The following ALPK1 variants were observed in gnomAD, a reference collection of about 807,000 sequenced individuals.
The protein encoded by ALPK1 is alpha kinase 1.
In ALPK1, 110 loss-of-function variants were observed where a neutral mutation model predicts 120.6. The ratio of observed to expected loss-of-function variants is 0.91; its 90% CI spans 0.78 to 1.07. The LOEUF (loss-of-function observed/expected upper bound fraction) is 1.07, where lower values mean the gene tolerates loss of function less well. Ranked by LOEUF, ALPK1 falls within the 50% of genes least tolerant of loss-of-function variation. The pLI, the probability that ALPK1 is intolerant of heterozygous loss-of-function variation, is 0.00. For missense variants in ALPK1, 1,498 were observed against 1,483.9 expected, an observed-to-expected ratio of 1.01 and a Z score of -0.16; for synonymous variants, 582 against 560.3, an observed-to-expected ratio of 1.04 and a Z score of -0.55.
At chr4:112,433,869 C>T (rs948454987) in intron 11 of ALPK1, among the ~76,000 whole-genome samples, 2 of 152,090 alleles carry the variant, frequency 1.3e-5, no homozygotes, top group African/African-American at 4.8e-5. Context: ...AATGCCTCAC[C>T]CCAGAGATTT....
At chr4:112,399,054 C>T (rs1374217982) in intron 4 of ALPK1, among the ~76,000 whole-genome samples, 4 of 152,048 alleles carry the variant, frequency 2.6e-5, no homozygotes, top group East Asian at 1.9e-4. Context: ...TGGGCTATGG[C>T]GGGCAATTCC....
intron 4 of ALPK1, among the ~76,000 whole-genome samples, chr4:112,409,795 G>A (rs941197117): frequency 1.4e-4 from 21 of 152,216 alleles, no homozygotes; most frequent in African/African-American, 4.8e-4. Flanking sequence ...AGGACGCTAC[G>A]GTCATTGAGC....
chr4:112,385,087 T>C (rs1349595332), intron 4 of ALPK1, among the ~76,000 whole-genome samples: 3 of 152,142 alleles, frequency 2.0e-5, no homozygotes, highest in African/African-American at 7.2e-5. Context: ...ATGTGGCACA[T>C]CACTATAACT....
intron 5 of ALPK1, among the ~76,000 whole-genome samples, chr4:112,418,438 C>A (rs951154343): frequency 2.0e-5 from 3 of 152,334 alleles, no homozygotes; most frequent in South Asian, 4.1e-4. Flanking sequence ...TGACCCTCTG[C>A]ACAATGAGGA....
At position 112,432,574 on chromosome 4, in the gene ALPK1, A is replaced by T. The variant is rs777128557; in HGVS notation, c.3027A>T (p.Arg1009=). 8 of 1,611,412 alleles carry T rather than the reference A, an allele frequency of 5.0e-6. No homozygotes were observed. Among genetic ancestry groups the T allele is most frequent in the Non-Finnish European group, 5.9e-6 (7 of 1,179,642 alleles). The change falls in exon 11 of 16, where the codon CGA becomes CGT. Residue 1009 remains arginine (R), a synonymous_variant. Coordinates refer to ENST00000650871, the MANE Select transcript of ALPK1 (RefSeq NM_025144.4). The part of the protein sequence containing the change: ...TGVFKPSQLH[R]AHSALLLKYS... The stretch of plus-strand genomic sequence containing the variant: ...TTTTTAAGCCCAGTCAACTCCACCG[A>T]GCACATAGTAAGTACAATCTTTTCA...
At chr4:112,416,202 G>T (rs1001907558) in intron 5 of ALPK1, among the ~76,000 whole-genome samples, 3 of 152,112 alleles carry the variant, frequency 2.0e-5, no homozygotes, top group African/African-American at 4.8e-5. Flanking sequence ...TGCTTGACTA[G>T]CAAGGGATCA....
At chr4:112,390,555 C>T (rs1158892505) in intron 4 of ALPK1, among the ~76,000 whole-genome samples, 1 of 152,132 alleles carries the variant, frequency 6.6e-6, no homozygotes, top group Non-Finnish European at 1.5e-5. Flanking sequence ...ATCCCTGACA[C>T]TTAAAATGCA....
At chr4:112,411,171 T>G (rs1319479737) in intron 4 of ALPK1, 1 of 154,732 alleles carries the variant, frequency 6.5e-6, no homozygotes, top group African/African-American at 2.4e-5. Flanking sequence ...GGAGAAGAAA[T>G]AAGATAAGGG....
intron 1 of ALPK1, among the ~76,000 whole-genome samples, chr4:112,310,897 G>A (rs1728372425): frequency 1.3e-5 from 2 of 152,074 alleles, no homozygotes; most frequent in Admixed American, 1.3e-4. Flanking sequence ...GTCACTTGCT[G>A]CTGAACTTTG....
chr4:112,412,065 T>A (rs1733502841), intron 5 of ALPK1, 40 bp downstream of exon 5: 1 of 1,608,452 alleles, frequency 6.2e-7, no homozygotes, highest in Admixed American at 1.7e-5. Context: ...GTCCTCAGTG[T>A]CTTCTGGTCC....
chr4:112,430,657 G>A lies in ALPK1; in HGVS notation c.1110G>A (p.Gly370=). Residue 370 remains glycine (G), a synonymous_variant, in exon 11 of 16, where the codon GGG becomes GGA. Transcript: ENST00000650871. ...CCACAGTGCACAGAAGGCTCCATGGGGAGACAGGGACGGTCCATGCAGCAA... is the reference window on the plus strand; with the variant it reads ...CCACAGTGCACAGAAGGCTCCATGGAGAGACAGGGACGGTCCATGCAGCAA... The part of the protein sequence containing the change: ...GLTTVHRRLH[G]ETGTVHAASQ... The A allele has an allele frequency of 6.2e-7, 1 of 1,614,148 alleles. No homozygotes were observed. Among genetic ancestry groups the A allele is most frequent in the Middle Eastern group, 1.6e-4 (1 of 6,062 alleles).
chr4:112,408,944 C>A lies in ALPK1; in HGVS notation c.277-2883C>A, dbSNP rs373761558. ...GGGGATGTGTATTATTTTGAAAATA[C>A]ATGTGGCATACTAAATGAGACATGT... On this transcript the variant is annotated intron_variant, in intron 4 of 15. Transcript: ENST00000650871. Among the ~76,000 whole-genome samples the A allele has an allele frequency of 3.3e-5, 5 of 152,248 alleles. No homozygotes were observed. The East Asian group carries it at 5.8e-4, about 18-fold the overall frequency.
intron 5 of ALPK1, among the ~76,000 whole-genome samples, chr4:112,413,240 G>T (rs939387884): frequency 6.6e-6 from 1 of 152,192 alleles, no homozygotes; most frequent in African/African-American, 2.4e-5. Flanking sequence ...AGGCTGGAGG[G>T]TACAGACAGG....
intron 5 of ALPK1, among the ~76,000 whole-genome samples, chr4:112,421,778 T>A (rs1458434390): frequency 1.3e-5 from 2 of 152,234 alleles, no homozygotes; most frequent in Admixed American, 6.5e-5. Context: ...GTTGGAGATG[T>A]GACAGCAAAA....
At chr4:112,352,199 G>A (rs376848183) in intron 2 of ALPK1, among the ~76,000 whole-genome samples, 4 of 152,004 alleles carry the variant, frequency 2.6e-5, no homozygotes, top group Non-Finnish European at 5.9e-5. Context: ...AACAACTATC[G>A]AGAATTTATA....
At chr4:112,405,280 G>C (rs763290474) in intron 4 of ALPK1, among the ~76,000 whole-genome samples, 4 of 152,130 alleles carry the variant, frequency 2.6e-5, no homozygotes, top group African/African-American at 9.7e-5. Context: ...ACTGTGAGGA[G>C]TGCCCAACTG....
intron 2 of ALPK1, among the ~76,000 whole-genome samples, chr4:112,372,874 A>G (rs1731478285): frequency 6.6e-6 from 1 of 152,216 alleles, no homozygotes; most frequent in African/African-American, 2.4e-5. Context: ...ATGATACAGC[A>G]CTAAGAAAAC....
At chr4:112,428,443 A>ATGGTTGCT (rs1734337457) in intron 9 of ALPK1, among the ~76,000 whole-genome samples, 1 of 152,240 alleles carries the variant, frequency 6.6e-6, no homozygotes, top group Admixed American at 6.5e-5. Context: ...TTAGTGTAGC[A>ATGGTTGCT]AAAGAACACA....
intron 2 of ALPK1, among the ~76,000 whole-genome samples, chr4:112,371,311 C>T (rs1479167668): frequency 6.6e-6 from 1 of 152,194 alleles, no homozygotes; most frequent in Non-Finnish European, 1.5e-5. Flanking sequence ...CCCTGGTCCT[C>T]CTGCTACCAG....
Sources: allele counts gnomAD v4.1 joint callset (sites outside exome capture counted in the v4.1 genomes callset), GRCh38; gene constraint gnomAD v4.1.1; transcripts MANE v1.5; gene names NCBI Gene and HGNC (gene_info 2026-07-23, HGNC 2026-07-21).